The following ICA1 variants were observed in gnomAD, a reference collection of about 807,000 sequenced individuals.
The protein encoded by ICA1 is islet cell autoantigen 1.
A neutral mutation model predicts 71.0 loss-of-function variants in ICA1; 40 were observed. The ratio of observed to expected loss-of-function variants is 0.56; its 90% CI spans 0.44 to 0.73. The LOEUF (loss-of-function observed/expected upper bound fraction) is 0.73. ICA1 is among the 30% of genes least tolerant of loss of function. The pLI is 0.00. For missense variants in ICA1, 578 were observed against 576.5 expected, an observed-to-expected ratio of 1.00 and a Z score of -0.03; for synonymous variants, 207 against 209.5, an observed-to-expected ratio of 0.99 and a Z score of 0.10.
chr7:8,186,102 G>C (rs536768002), intron 6 of ICA1, among the ~76,000 whole-genome samples: 1 of 152,170 alleles, frequency 6.6e-6, no homozygotes, highest in African/African-American at 2.4e-5. Context: ...CATTTGAATG[G>C]GCCTTTGAAA....
At position 8,238,146 on chromosome 7, in the gene ICA1, T is replaced by C. The variant is rs550819540; in HGVS notation, c.-79-2141A>G. Reference sequence around the variant, plus strand: ...ATCTCTCTGAGATCCTGTATTCAATTCTTTTGCACAAATACACAGAATTTG... The same window carrying C: ...ATCTCTCTGAGATCCTGTATTCAATCCTTTTGCACAAATACACAGAATTTG... On this transcript the variant is annotated intron_variant, in intron 1 of 13. Transcript: ENST00000402384. 2.6e-4 allele frequency among the ~76,000 whole-genome samples: 40 copies of C among 152,330 alleles called. 2 individuals carry two copies. In the South Asian group the frequency reaches 7.7e-3, roughly 29 times the overall value.
chr7:8,133,143 C>G (rs10952090), intron 12 of ICA1, among the ~76,000 whole-genome samples: 146,001 of 152,238 alleles, frequency 0.96, 70,039 homozygotes, highest in East Asian at 1. Flanking sequence ...AGAAGAGGAA[C>G]AGAGACCTGA....
At chr7:8,159,113 C>T (rs1352312413) in intron 6 of ICA1, among the ~76,000 whole-genome samples, 2 of 152,186 alleles carry the variant, frequency 1.3e-5, no homozygotes, top group East Asian at 3.9e-4. Context: ...TGATACAATC[C>T]TATTTACTAA....
chr7:8,216,813 A>C (rs893794321), intron 6 of ICA1, among the ~76,000 whole-genome samples: 8 of 152,226 alleles, frequency 5.3e-5, no homozygotes, highest in African/African-American at 1.7e-4. Flanking sequence ...ATCTTGGGCT[A>C]ATTTCCTAAC....
chr7:8,119,373 C>T (rs1460785006), intron 13 of ICA1, among the ~76,000 whole-genome samples: 1 of 152,126 alleles, frequency 6.6e-6, no homozygotes, highest in Non-Finnish European at 1.5e-5. Context: ...GCAGAGAACA[C>T]TGGAAAAAAG....
At chr7:8,205,937 G>A (rs1791377350) in intron 6 of ICA1, among the ~76,000 whole-genome samples, 1 of 152,180 alleles carries the variant, frequency 6.6e-6, no homozygotes, top group Non-Finnish European at 1.5e-5. Flanking sequence ...CAACTCGAAG[G>A]CCTGGAGTTG....
chr7:8,219,949 A>C (rs1796545006), intron 5 of ICA1, among the ~76,000 whole-genome samples: 1 of 152,186 alleles, frequency 6.6e-6, no homozygotes, highest in African/African-American at 2.4e-5. Context: ...TTTTTTAGGA[A>C]TCAATTATTC....
chr7:8,229,729 G>A (rs752060592), intron 3 of ICA1, among the ~76,000 whole-genome samples: 19 of 152,172 alleles, frequency 1.2e-4, no homozygotes, highest in Non-Finnish European at 2.8e-4. Flanking sequence ...TTCTAGGAAT[G>A]CTTCATATAA....
chr7:8,257,520 A>G (rs547195888), intron 1 of ICA1, among the ~76,000 whole-genome samples: 2 of 152,284 alleles, frequency 1.3e-5, no homozygotes, highest in East Asian at 3.9e-4. Flanking sequence ...CTAGTCTCCA[A>G]TCTAGACTCT....
chr7:8,182,898 T>C (rs767312652), intron 6 of ICA1, among the ~76,000 whole-genome samples: 6 of 152,220 alleles, frequency 3.9e-5, no homozygotes, highest in Non-Finnish European at 5.9e-5. Flanking sequence ...CCTTGGATGA[T>C]ATATCCCTGA....
chr7:8,142,325 G>A (rs1795518512), intron 9 of ICA1, among the ~76,000 whole-genome samples: 3 of 152,164 alleles, frequency 2.0e-5, no homozygotes, highest in African/African-American at 7.2e-5. Context: ...AGATTCACTT[G>A]GTGCCTCCGA....
chr7:8,179,047 C>G (rs1314101136), intron 6 of ICA1, among the ~76,000 whole-genome samples: 3 of 152,154 alleles, frequency 2.0e-5, no homozygotes, highest in African/African-American at 4.8e-5. Flanking sequence ...CCATAAAACT[C>G]TTCCATACAG....
intron 8 of ICA1, among the ~76,000 whole-genome samples, chr7:8,152,655 AC>A (rs1799463488): frequency 7.0e-6 from 1 of 142,416 alleles, no homozygotes; most frequent in African/African-American, 2.6e-5. Flanking sequence ...CACCACCACC[AC>A]CACCACCACC....
chr7:8,158,957 A>T (rs984019465), intron 6 of ICA1, among the ~76,000 whole-genome samples: 1 of 152,216 alleles, frequency 6.6e-6, no homozygotes, highest in Non-Finnish European at 1.5e-5. Context: ...GACTGGAGAC[A>T]AGCAGGGTGG....
At chr7:8,228,064 T>A (rs1014934055) in intron 4 of ICA1, among the ~76,000 whole-genome samples, 1 of 152,206 alleles carries the variant, frequency 6.6e-6, no homozygotes, top group Non-Finnish European at 1.5e-5. Flanking sequence ...CTTAAAAATG[T>A]ACAAACACAT....
At chr7:8,244,453 C>G (rs972468115) in intron 1 of ICA1, among the ~76,000 whole-genome samples, 1 of 152,176 alleles carries the variant, frequency 6.6e-6, no homozygotes, top group Admixed American at 6.5e-5. Flanking sequence ...ACCATAAAAA[C>G]CCTAGAGGAA....
chr7:8,262,216 C>T (rs938576353), upstream of ICA1: 8 of 152,106 alleles, frequency 5.3e-5, no homozygotes, highest in Non-Finnish European at 1.0e-4. Flanking sequence ...GGAACCGGCC[C>T]TTCCTGCGGC....
At chr7:8,138,434 C>T (rs74643986) in intron 12 of ICA1, among the ~76,000 whole-genome samples, 7,289 of 152,192 alleles carry the variant, frequency 0.048, 489 homozygotes, top group African/African-American at 0.15. Context: ...CCACCAAGGC[C>T]GTTGCTATTG....
chr7:8,182,576 A>T lies in ICA1; in HGVS notation c.580-23924T>A, dbSNP rs577702882. ...TAAAGGGACACCCATTATCCCTGGG[A>T]TCCTAGTAGTTATCTTATGGGTGAT... On this transcript the variant is annotated intron_variant, in intron 6 of 13. Transcript: ENST00000402384. Among the ~76,000 whole-genome samples the T allele has an allele frequency of 5.9e-5, 9 of 152,288 alleles. No individual in the cohort carries two copies. In the South Asian group the frequency reaches 1.9e-3, roughly 32 times the overall value.
Sources: gnomAD v4.1 joint callset for allele counts (sites outside exome capture counted in the v4.1 genomes callset) on GRCh38, gnomAD v4.1.1 for gene constraint, MANE v1.5 for transcripts, NCBI Gene and HGNC (gene_info 2026-07-23, HGNC 2026-07-21) for gene names.